The following SLC35A2 variants were observed in gnomAD, a reference collection of about 807,000 sequenced individuals.
The protein encoded by SLC35A2 is UDP-galactose translocator.
SLC35A2 carries 1 observed loss-of-function variant against 17.3 expected under a neutral mutation model. The observed-to-expected ratio is 0.06, with a 90% CI of 0.02 to 0.27. The LOEUF (loss-of-function observed/expected upper bound fraction) is 0.27. Ranked by LOEUF, SLC35A2 falls within the 10% of genes least tolerant of loss-of-function variation. The pLI is 1.00. For missense variants in SLC35A2, 191 were observed against 339.3 expected, an observed-to-expected ratio of 0.56 and a Z score of 3.43; for synonymous variants, 161 against 161.3, an observed-to-expected ratio of 1.00 and a Z score of 0.01.
chrX:48,906,039 C>A (rs891439739), intron 3 of SLC35A2: 2 of 387,560 alleles, frequency 5.2e-6, no homozygotes, highest in Non-Finnish European at 8.9e-6. Context: ...CAAAATCACA[C>A]AGCTGGAAGG....
intron 1 of SLC35A2, chrX:48,910,351 C>T: frequency 1.0e-6 from 1 of 998,317 alleles, no homozygotes; most frequent in Non-Finnish European, 1.3e-6. Flanking sequence ...ACTACATTCT[C>T]CACGTTTATT....
chrX:48,903,191 C>T lies in SLC35A2; in HGVS notation c.*247G>A, dbSNP rs1557042010. ...CTGCCCAACCCAAGTCGGCAAGATA[C>T]ACAACACATTTTATTTGCAAAAACT... is the stretch of plus-strand genomic sequence containing the variant. On this transcript the variant is annotated 3_prime_UTR_variant, in exon 5 of 5. Coordinates refer to ENST00000247138, the MANE Select transcript of SLC35A2 (RefSeq NM_005660.3). 3.5e-6 allele frequency: 4 copies of T among 1,129,117 alleles called. No individual in the cohort carries two copies. Among genetic ancestry groups the T allele is most frequent in the African/African-American group, 3.6e-5 (2 of 55,092 alleles). 93.1% of individuals were successfully genotyped at this position (1,129,117 alleles called of 1,213,427 possible). A position where few individuals can be genotyped will look rare whatever the true frequency, so the allele number is the denominator to read the frequency against.
At chrX:48,909,269 A>C (rs1009546735) in intron 2 of SLC35A2, among the ~76,000 whole-genome samples, 1 of 112,490 alleles carries the variant, frequency 8.9e-6, no homozygotes, top group Non-Finnish European at 1.9e-5. Flanking sequence ...AAAAATACAA[A>C]AAAATTAGCT....
chrX:48,903,480 G>A lies in SLC35A2; in HGVS notation c.1164-15C>T. ...TGGTGAGCAACCTGTGGTGGGAATG[G>A]GGAGGAAAGAAAAACACAAAGCTGG... On this transcript the variant is annotated splice_polypyrimidine_tract_variant and intron_variant, in intron 4 of 4. Transcript: ENST00000247138. The A allele has an allele frequency of 1.7e-6, 1 of 573,395 alleles. No homozygotes were observed. 47.3% of individuals were successfully genotyped at this position (573,395 alleles called of 1,213,427 possible).
Position 48,906,512 on chromosome X carries a change from A to G in SLC35A2, c.306T>C (p.His102=). The G allele has an allele frequency of 8.3e-7, 1 of 1,211,381 alleles. No homozygotes were observed. The highest frequency in any genetic ancestry group is 1.1e-6 in the Non-Finnish European group (1 of 894,974). Residue 102 remains histidine, a synonymous_variant, in exon 3 of 5, where the codon CAT becomes CAC. Coordinates refer to ENST00000247138, the MANE Select transcript of SLC35A2 (RefSeq NM_005660.3). Reference sequence around the variant, plus strand: ...CCACATACTGCACCAGGACAGCCTCATGGAGGAAGAGAACCAGGTGCTTCA... The same window carrying G: ...CCACATACTGCACCAGGACAGCCTCGTGGAGGAAGAGAACCAGGTGCTTCA... The part of the protein sequence containing the change: ...GNVKHLVLFL[H]EAVLVQYVDT...
At position 48,904,496 on chromosome X, in the gene SLC35A2, G is replaced by A. The variant is rs2063470615; in HGVS notation, c.1163+250C>T. 7.2e-6 allele frequency: 8 copies of A among 1,115,012 alleles called. No homozygotes were observed. The South Asian group carries it at 1.1e-4, about 15-fold the overall frequency. 91.9% of individuals were successfully genotyped at this position (1,115,012 alleles called of 1,213,427 possible). On this transcript the variant is annotated intron_variant, in intron 4 of 4. Coordinates refer to ENST00000247138, the MANE Select transcript of SLC35A2 (RefSeq NM_005660.3). ...CAAAGAGGTTAGAGGGAGCAGAGGC[G>A]GCAGCTCTAAAACCCCCTCCAGGGG... is the stretch of plus-strand genomic sequence containing the variant.
intron 2 of SLC35A2, among the ~76,000 whole-genome samples, chrX:48,907,456 C>G (rs1289603003): frequency 9.0e-6 from 1 of 110,736 alleles, no homozygotes; most frequent in Admixed American, 9.6e-5. Context: ...ACCGTGTTAG[C>G]CACGATGGTC....
rs1263404952 is a variant in SLC35A2, at chrX:48,904,322, C to T, written c.1163+424G>A. The T allele has an allele frequency of 1.1e-5, 11 of 1,031,635 alleles. No individual in the cohort carries two copies. The East Asian group carries it at 1.1e-4, about 11-fold the overall frequency. The allele number at this position is 1,031,635 out of a possible 1,213,427, so 85.0% of individuals were successfully genotyped here. ...GGCATCGGTCATTCCTGAAGAGCTGCGGGAGTTTTGTCCAGTGTGTCCTTA... is the reference window on the plus strand; with the variant it reads ...GGCATCGGTCATTCCTGAAGAGCTGTGGGAGTTTTGTCCAGTGTGTCCTTA... On this transcript the variant is annotated intron_variant, in intron 4 of 4. Coordinates refer to ENST00000247138, the MANE Select transcript of SLC35A2 (RefSeq NM_005660.3).
At position 48,906,470 on chromosome X, in the gene SLC35A2, T is replaced by G. The variant is rs781811843; in HGVS notation, c.348A>C (p.Ala116=). Residue 116 remains alanine, a synonymous_variant, in exon 3 of 5, where the codon GCA becomes GCC. Transcript: ENST00000247138. ...GCAAGGTGTAGATGAGAGAGGGCAC[T>G]GCGAGCTTGAGCGTGTCCACATACT... The part of the protein sequence containing the change: ...LVQYVDTLKL[A]VPSLIYTLQN... The G allele has an allele frequency of 4.1e-6, 5 of 1,207,158 alleles. No individual in the cohort carries two copies. Among genetic ancestry groups the G allele is most frequent in the Non-Finnish European group, 5.6e-6 (5 of 893,065 alleles).
chrX:48,911,913 CCG>C, upstream of SLC35A2: 1 of 1,167,669 alleles, frequency 8.6e-7, no homozygotes, highest in African/African-American at 1.8e-5. Flanking sequence ...CCTTATCCTG[CCG>C]TTCGTCCGCT....
chrX:48,911,254 C>T (rs1327015046), intron 1 of SLC35A2, among the ~76,000 whole-genome samples: 1 of 111,299 alleles, frequency 9.0e-6, no homozygotes, highest in African/African-American at 3.3e-5. Context: ...ATGGTCTCTT[C>T]CACACGGAAG....
Position 48,911,593 on chromosome X carries a change from G to A in SLC35A2, c.44C>T (p.Pro15Leu). ...GAGGSTAAPG[P>L]GAVSAGALEP... is the part of the protein sequence containing the mutation. ...CAATGCACCCGCGGAAACCGCCCCT[G>A]GCCCGGGCGCCGCGGTGGAACCACC... Residue 15 changes from proline to leucine, a missense_variant, in exon 1 of 5, where the codon CCA (proline) becomes CTA (leucine). Pro to Leu is a moderately conservative substitution (Grantham distance 98, BLOSUM62 -3). Around this residue, in one of 2 missense-constraint regions of SLC35A2, gnomAD observed 27 missense variants for 24.0 expected, o/e 1.12. Coordinates refer to ENST00000247138, the MANE Select transcript of SLC35A2 (RefSeq NM_005660.3). 8.6e-7 allele frequency: 1 copy of A among 1,165,228 alleles called. No homozygotes were observed. The highest frequency in any genetic ancestry group is 2.5e-5 in the Admixed American group (1 of 39,960).
intron 2 of SLC35A2, among the ~76,000 whole-genome samples, chrX:48,907,131 T>G (rs1352884836): frequency 9.9e-6 from 1 of 100,733 alleles, no homozygotes; most frequent in Non-Finnish European, 2.0e-5. Context: ...ACCATGCCAT[T>G]GCACTCCAGC....
At chrX:48,908,457 G>A (rs1457955320) in intron 2 of SLC35A2, among the ~76,000 whole-genome samples, 1 of 110,862 alleles carries the variant, frequency 9.0e-6, no homozygotes, top group African/African-American at 3.3e-5. Flanking sequence ...TCACTCCACA[G>A]GCAAAACTTC....
rs1443492116 is a variant in SLC35A2, at chrX:48,911,564, G to T, written c.73C>A (p.Pro25Thr). 29 of 1,162,485 alleles carry T rather than the reference G, an allele frequency of 2.5e-5. No homozygotes were observed. Among genetic ancestry groups the T allele is most frequent in the Non-Finnish European group, 3.2e-5 (28 of 874,339 alleles). The change falls in exon 1 of 5, where the codon CCG becomes ACG. Residue 25 changes from proline (P) to threonine (T), a missense_variant. Pro to Thr is a conservative substitution (Grantham distance 38). This residue lies in a region of SLC35A2 where 27 missense variants were observed against 24.0 expected (regional missense o/e 1.12). Coordinates refer to ENST00000247138, the MANE Select transcript of SLC35A2 (RefSeq NM_005660.3). ...GTCTCACCCGCACTGGCGGTCCCCG[G>T]CTCCAATGCACCCGCGGAAACCGCC... The part of the protein sequence containing the change: ...PGAVSAGALE[P>T]GTASAAHRRL...
chrX:48,903,214 A>C lies in SLC35A2; in HGVS notation c.*224T>G, dbSNP rs1351557438. On this transcript the variant is annotated 3_prime_UTR_variant, in exon 5 of 5. Transcript: ENST00000247138. ...TACACAACACATTTTATTTGCAAAA[A>C]CTCAGCTAAGAGATAGTGTGGAGCT... The C allele has an allele frequency of 8.3e-6, 9 of 1,080,764 alleles. No homozygotes were observed. Among genetic ancestry groups the C allele is most frequent in the Non-Finnish European group, 1.1e-5 (9 of 797,196 alleles). 89.1% of individuals were successfully genotyped at this position (1,080,764 alleles called of 1,213,427 possible).
At chrX:48,911,682 T>G, upstream of SLC35A2, 1 of 1,152,868 alleles carries the variant, frequency 8.7e-7, no homozygotes, top group Non-Finnish European at 1.2e-6. Flanking sequence ...AAAAACCACT[T>G]CCGCGTTCGT....
chrX:48,904,678 C>A, intron 4 of SLC35A2, 68 bp downstream of exon 4: 2 of 1,210,045 alleles, frequency 1.7e-6, no homozygotes, highest in Non-Finnish European at 2.2e-6. Flanking sequence ...ATGCCCAACA[C>A]CCTCCACCCC....
Position 48,905,129 on chromosome X carries a change from G to A in SLC35A2, c.780C>T (p.Thr260=). ...LWWAEGTAVA[T]RGFFFGYTPA... Reference sequence around the variant, plus strand: ...GTGTGTACCCAAAAAAGAAACCACGGGTGGCCACGGCGGTACCCTCAGCCC... The same window carrying A: ...GTGTGTACCCAAAAAAGAAACCACGAGTGGCCACGGCGGTACCCTCAGCCC... The change falls in exon 4 of 5, where the codon ACC becomes ACT. Residue 260 remains threonine (T), a synonymous_variant. Transcript: ENST00000247138. The A allele has an allele frequency of 8.3e-7, 1 of 1,209,853 alleles. No homozygotes were observed. Among genetic ancestry groups the A allele is most frequent in the African/African-American group, 1.7e-5 (1 of 57,755 alleles).
Sources: allele counts gnomAD v4.1 joint callset (sites outside exome capture counted in the v4.1 genomes callset), GRCh38; gene constraint gnomAD v4.1.1; regional missense constraint gnomAD v4.1.1; transcripts MANE v1.5; gene names NCBI Gene and HGNC (gene_info 2026-07-23, HGNC 2026-07-21).